WASF2: variants seen among roughly 807,000 people sequenced by gnomAD.
WASF2 encodes actin-binding protein WASF2.
Under a neutral mutation model 45.0 loss-of-function variants are expected in WASF2, and 14 were observed. The ratio of observed to expected loss-of-function variants is 0.31; its 90% CI spans 0.21 to 0.49. WASF2 has a LOEUF of 0.49. WASF2 is among the 20% of genes least tolerant of loss of function. The pLI is 0.99. For synonymous variants in WASF2, 200 were observed against 236.3 expected (o/e 0.85, Z 1.41); for missense variants, 439 against 636.1 (o/e 0.69, Z 3.33).
chr1:27,481,508 G>T (rs1474089285), intron 1 of WASF2, among the ~76,000 whole-genome samples: 1 of 151,870 alleles, frequency 6.6e-6, no homozygotes, highest in East Asian at 1.9e-4. Context: ...AGACCAGCCT[G>T]GCCAACATGA....
intron 1 of WASF2, among the ~76,000 whole-genome samples, chr1:27,477,699 A>T (rs2148142220): frequency 9.4e-6 from 1 of 106,606 alleles, no homozygotes; most frequent in South Asian, 3.7e-4. Flanking sequence ...GGAGATCGAG[A>T]CCATCCCGGC....
At position 27,414,851 on chromosome 1, in the gene WASF2, T is replaced by C. The variant is rs1363315654; in HGVS notation, c.650A>G (p.Glu217Gly). The C allele has an allele frequency of 2.5e-6, 4 of 1,614,076 alleles. No homozygotes were observed. Among genetic ancestry groups the C allele is most frequent in the Non-Finnish European group, 3.4e-6 (4 of 1,180,032 alleles). The change falls in exon 6 of 9, where the codon GAA becomes GGA. Residue 217 changes from glutamate to glycine, a missense_variant. By Grantham distance (98) the Glu-to-Gly change is moderately conservative (BLOSUM62 -2). Transcript: ENST00000618852. The surrounding 1 kb of genome is among the most constrained non-coding windows in gnomAD (Gnocchi z 4.1). ...KMGQEFVESK[E>G]KLGTSGYPPT... is the part of the protein sequence containing the mutation. ...TACCTACCCAGAAGTCCCCAGCTTT[T>C]CTTTGGACTCCACAAATTCTTGCCC...
At chr1:27,409,305 G>A (rs1382249083) in intron 8 of WASF2, among the ~76,000 whole-genome samples, 1 of 151,236 alleles carries the variant, frequency 6.6e-6, no homozygotes, top group Non-Finnish European at 1.5e-5. Flanking sequence ...GGCGCCTGTA[G>A]TACCAGCTAC....
intron 1 of WASF2, among the ~76,000 whole-genome samples, chr1:27,456,431 G>A (rs1048369959): frequency 9.2e-5 from 14 of 151,548 alleles, no homozygotes; most frequent in African/African-American, 2.7e-4. Flanking sequence ...AGGAGCTAAT[G>A]AAAAAGAAAA....
In WASF2 at chr1:27,460,193, A is replaced by G. The variant is rs531566857; in HGVS notation, c.-44+29793T>C. Among the ~76,000 whole-genome samples the G allele has an allele frequency of 3.0e-4, 46 of 152,202 alleles. 1 individual carries two copies. The Middle Eastern group carries it at 0.014, about 45-fold the overall frequency. On this transcript the variant is annotated intron_variant, in intron 1 of 8. Transcript: ENST00000618852. ...CCTTGTAGAAATCCTGTTAATAAAG[A>G]TATTTTGGGATTTATGGTTTTAAAT...
intron 7 of WASF2, among the ~76,000 whole-genome samples, chr1:27,412,309 C>T (rs1258488653): frequency 6.6e-6 from 1 of 152,160 alleles, no homozygotes; most frequent in Non-Finnish European, 1.5e-5. Flanking sequence ...CAGGCTCAAG[C>T]GATCCTCCCA....
chr1:27,466,474 G>C (rs1410720373), intron 1 of WASF2, among the ~76,000 whole-genome samples: 1 of 152,156 alleles, frequency 6.6e-6, no homozygotes, highest in Non-Finnish European at 1.5e-5. Context: ...TGCACAACAG[G>C]AGCCACTGCA....
At chr1:27,486,650 G>T (rs142581833) in intron 1 of WASF2, among the ~76,000 whole-genome samples, 1 of 152,130 alleles carries the variant, frequency 6.6e-6, no homozygotes, top group Non-Finnish European at 1.5e-5. Flanking sequence ...TCAGCTGGGC[G>T]TGGTGGCTCA....
rs939287757 is a variant in WASF2, at chr1:27,410,976, C to A, written c.825-770G>T. ...TTTCTTTTTCCACCTTTGTATCTAC[C>A]CTGCACTAACAGCTACTCCTTAGAA... On this transcript the variant is annotated intron_variant, in intron 7 of 8. Transcript: ENST00000618852. The surrounding 1 kb of genome is among the most constrained non-coding windows in gnomAD (Gnocchi z 4.2). 6.6e-6 allele frequency among the ~76,000 whole-genome samples: 1 copy of A among 152,166 alleles called. No homozygotes were observed. Among genetic ancestry groups the A allele is most frequent in the Non-Finnish European group, 1.5e-5 (1 of 68,030 alleles).
intron 1 of WASF2, among the ~76,000 whole-genome samples, chr1:27,451,730 T>C (rs1439745524): frequency 6.6e-6 from 1 of 152,174 alleles, no homozygotes; most frequent in Non-Finnish European, 1.5e-5. Context: ...CTACAAAGTG[T>C]GCTATACTGG....
intron 1 of WASF2, among the ~76,000 whole-genome samples, chr1:27,481,661 C>G (rs983683237): frequency 6.6e-6 from 1 of 151,006 alleles, no homozygotes; most frequent in Non-Finnish European, 1.5e-5. Context: ...ACAGAGGCTG[C>G]AGTGAGCCAA....
intron 2 of WASF2, among the ~76,000 whole-genome samples, chr1:27,420,202 C>T (rs147169730): frequency 4.6e-5 from 7 of 152,206 alleles, no homozygotes; most frequent in Admixed American, 1.3e-4. Flanking sequence ...CCACCATGCC[C>T]GGCTTGTAAC....
chr1:27,461,502 C>A (rs1236632178), intron 1 of WASF2, among the ~76,000 whole-genome samples: 1 of 150,682 alleles, frequency 6.6e-6, no homozygotes, highest in East Asian at 2.0e-4. Context: ...GCTCTGTCTC[C>A]CCGGCTGGAG....
At chr1:27,435,404 G>C (rs1230212344) in intron 1 of WASF2, among the ~76,000 whole-genome samples, 2 of 152,114 alleles carry the variant, frequency 1.3e-5, no homozygotes, top group African/African-American at 4.8e-5. Flanking sequence ...GGGCAAAAAA[G>C]CCAGACCCTG....
At chr1:27,447,409 G>A (rs1001704815) in intron 1 of WASF2, among the ~76,000 whole-genome samples, 5 of 152,114 alleles carry the variant, frequency 3.3e-5, no homozygotes, top group South Asian at 2.1e-4. Context: ...TTGTATTAAT[G>A]AGCCAAAGGT....
At chr1:27,449,262 T>C (rs1484973638) in intron 1 of WASF2, among the ~76,000 whole-genome samples, 1 of 152,154 alleles carries the variant, frequency 6.6e-6, no homozygotes, top group Non-Finnish European at 1.5e-5. Context: ...TCTCTAATCT[T>C]AGTGCCTACC....
intron 1 of WASF2, among the ~76,000 whole-genome samples, chr1:27,456,622 A>C (rs1352745370): frequency 6.6e-6 from 1 of 152,066 alleles, no homozygotes; most frequent in African/African-American, 2.4e-5. Flanking sequence ...AATTATTTGG[A>C]TATTCCCTAG....
chr1:27,406,454 C>CA lies in WASF2; in HGVS notation c.*1734dup, dbSNP rs2016676836. 6.5e-6 allele frequency: 1 copy of CA among 152,784 alleles called. No individual in the cohort carries two copies. Among genetic ancestry groups the CA allele is most frequent in the Non-Finnish European group, 1.5e-5 (1 of 68,174 alleles). The allele number at this position is 152,784 out of a possible 1,614,324, so 9.5% of individuals were successfully genotyped here. A position where few individuals can be genotyped will look rare whatever the true frequency, so the allele number is the denominator to read the frequency against. ...CACAGAGGCAGAACCCATGACTATA[C>CA]ACTCTCTCCTCAAGCCGGAGGGCTT... is the stretch of plus-strand genomic sequence containing the variant. On this transcript the variant is annotated 3_prime_UTR_variant, in exon 9 of 9. Coordinates refer to ENST00000618852, the MANE Select transcript of WASF2 (RefSeq NM_006990.5).
At chr1:27,409,655 A>G in intron 8 of WASF2, 37 bp downstream of exon 8, 1 of 1,418,110 alleles carries the variant, frequency 7.1e-7, no homozygotes, top group Non-Finnish European at 9.2e-7. Flanking sequence ...TCAGAAAGAC[A>G]AGGCTCCACA....
Sources: gnomAD v4.1 joint callset for allele counts (sites outside exome capture counted in the v4.1 genomes callset) on GRCh38, gnomAD v4.1.1 for gene constraint, Gnocchi (gnomAD v3.1) non-coding constraint, MANE v1.5 for transcripts, NCBI Gene and HGNC (gene_info 2026-07-23, HGNC 2026-07-21) for gene names.